The following TENT4B variants were observed in gnomAD, a reference collection of about 807,000 sequenced individuals.
TENT4B encodes PAP associated domain containing 5.
TENT4B carries 10 observed loss-of-function variants against 75.0 expected under a neutral mutation model. That is an observed-to-expected ratio of 0.13 (90% confidence interval 0.08 to 0.23). The LOEUF is 0.23. Among genes scored for constraint, TENT4B ranks in the 10% least tolerant of loss-of-function variants. The pLI is 1.00. For synonymous variants in TENT4B, 350 were observed against 357.7 expected (o/e 0.98, Z 0.24); for missense variants, 579 against 893.8 (o/e 0.65, Z 4.49).
chr16:50,194,194 GTTCTT>G (rs2150712940), intron 1 of TENT4B, among the ~76,000 whole-genome samples: 1 of 145,764 alleles, frequency 6.9e-6, no homozygotes, highest in East Asian at 2.0e-4. Context: ...TCTTTTTTCT[GTTCTT>G]TCTTTCTCTT....
At chr16:50,179,013 T>TA (rs1271130465) in intron 1 of TENT4B, among the ~76,000 whole-genome samples, 4 of 152,168 alleles carry the variant, frequency 2.6e-5, no homozygotes, top group Admixed American at 6.5e-5. Context: ...AAAAAAATTA[T>TA]AAAAAACATC....
rs1435642131 is a variant in TENT4B, at chr16:50,155,466, TGA to T, written c.638+1217_638+1218del. On this transcript the variant is annotated intron_variant, in intron 1 of 11. Transcript: ENST00000561678. ...TCATTCAGATCTGCCCTGCTTTGGC[TGA>T]GAGAGAGAGTTCTGTGTACCTTTTT... Among the ~76,000 whole-genome samples, 7 of 152,262 alleles carry T rather than the reference TGA, an allele frequency of 4.6e-5. No individual in the cohort carries two copies. In the South Asian group the frequency reaches 1.0e-3, roughly 23 times the overall value.
At chr16:50,180,481 C>T (rs955549330) in intron 1 of TENT4B, among the ~76,000 whole-genome samples, 2 of 152,116 alleles carry the variant, frequency 1.3e-5, no homozygotes, top group African/African-American at 4.8e-5. Context: ...CCGAGGTGGG[C>T]AGATCACTTG....
In TENT4B at chr16:50,194,028, A is replaced by T. The variant is rs555056660; in HGVS notation, c.639-17295A>T. On this transcript the variant is annotated intron_variant, in intron 1 of 11. Coordinates refer to ENST00000561678, the MANE Select transcript of TENT4B (RefSeq NM_001365324.3). ...GTAACTTTTGAAAGGGCACTCAGCT[A>T]GAAAAGTCTGAGCCAGGATTTCAAG... 1.3e-3 allele frequency among the ~76,000 whole-genome samples: 191 copies of T among 152,310 alleles called. No individual in the cohort carries two copies. The South Asian group carries it at 0.014, about 11-fold the overall frequency.
chr16:50,153,769 G>GGCA lies in TENT4B; in HGVS notation c.167_169dup (p.Ser56dup), dbSNP rs762925502. Reference sequence around the variant, plus strand: ...CAGCGGCGGCGCGAGCGGCGGCGGCGGCAGCAGCAGCAGCAGCAGCACGGC... The same window carrying GGCA: ...CAGCGGCGGCGCGAGCGGCGGCGGCGGCAGCAGCAGCAGCAGCAGCAGCACGGC... On this transcript the variant is annotated inframe_insertion, in exon 1 of 12. Coordinates refer to ENST00000561678, the MANE Select transcript of TENT4B (RefSeq NM_001365324.3). The GGCA allele has an allele frequency of 3.3e-4, 365 of 1,120,234 alleles. No individual in the cohort carries two copies. The highest frequency in any genetic ancestry group is 1.7e-3 in the Middle Eastern group (7 of 4,054). The allele number at this position is 1,120,234 out of a possible 1,614,324, so 69.4% of individuals were successfully genotyped here.
At chr16:50,208,442 A>G (rs1275202140) in intron 1 of TENT4B, among the ~76,000 whole-genome samples, 1 of 152,120 alleles carries the variant, frequency 6.6e-6, no homozygotes, top group Non-Finnish European at 1.5e-5. Flanking sequence ...TGTTTGCCTC[A>G]TGGTCATCTG....
intron 1 of TENT4B, among the ~76,000 whole-genome samples, chr16:50,161,694 T>C (rs1368388161): frequency 6.6e-6 from 1 of 152,186 alleles, no homozygotes; most frequent in Non-Finnish European, 1.5e-5. Context: ...TTGTGAAAAA[T>C]AGTACAGAGC....
intron 1 of TENT4B, among the ~76,000 whole-genome samples, chr16:50,193,068 CAGTG>C (rs2150711433): frequency 6.6e-6 from 1 of 152,230 alleles, no homozygotes; most frequent in South Asian, 2.1e-4. Context: ...GACCCTGTCT[CAGTG>C]AATGAATGAA....
chr16:50,164,512 T>C (rs1053551090), intron 1 of TENT4B, among the ~76,000 whole-genome samples: 2 of 151,458 alleles, frequency 1.3e-5, no homozygotes, highest in African/African-American at 4.9e-5. Flanking sequence ...TTTCACCATA[T>C]TGGCCAGGCT....
intron 1 of TENT4B, among the ~76,000 whole-genome samples, chr16:50,197,147 A>C (rs2030321861): frequency 6.6e-6 from 1 of 151,998 alleles, no homozygotes; most frequent in African/African-American, 2.4e-5. Flanking sequence ...AGAGTACAAC[A>C]ACCTTTGGTA....
intron 1 of TENT4B, among the ~76,000 whole-genome samples, chr16:50,210,795 G>A (rs2031238286): frequency 6.6e-6 from 1 of 152,164 alleles, no homozygotes; most frequent in South Asian, 2.1e-4. Flanking sequence ...TGATTGCCCT[G>A]TACCTCGCAG....
In TENT4B at chr16:50,153,741, C is replaced by T. The variant is rs1432623699; in HGVS notation, c.120C>T (p.His40=). The part of the protein sequence containing the change: ...LRNLYFNHHC[H]SSGGASGGGG... ...ACCTCTACTTCAACCACCACTGTCA[C>T]AGCAGCGGCGGCGCGAGCGGCGGCG... Residue 40 remains histidine, a synonymous_variant, in exon 1 of 12, where the codon CAC becomes CAT. Transcript: ENST00000561678. 2 of 1,055,650 alleles carry T rather than the reference C, an allele frequency of 1.9e-6. No individual in the cohort carries two copies. The highest frequency in any genetic ancestry group is 2.3e-6 in the Non-Finnish European group (2 of 877,504). 65.4% of individuals were successfully genotyped at this position (1,055,650 alleles called of 1,614,324 possible). A position where few individuals can be genotyped will look rare whatever the true frequency, so the allele number is the denominator to read the frequency against.
Position 50,232,870 on chromosome 16 carries a change from A to G in TENT4B, c.*3542A>G, listed in dbSNP as rs769735540. The G allele has an allele frequency of 2.4e-5, 24 of 985,342 alleles. No homozygotes were observed. Among genetic ancestry groups the G allele is most frequent in the Non-Finnish European group, 2.9e-5 (24 of 829,824 alleles). The allele number at this position is 985,342 out of a possible 1,614,324, so 61.0% of individuals were successfully genotyped here. A position where few individuals can be genotyped will look rare whatever the true frequency, so the allele number is the denominator to read the frequency against. On this transcript the variant is annotated 3_prime_UTR_variant, in exon 12 of 12. Transcript: ENST00000561678. ...TGATTTCTCAGTGTTTCTGTCACTA[A>G]CCAAGAATGTTTCTAGGCAGTTGGT...
At chr16:50,225,424 A>C (rs894078043) in intron 10 of TENT4B, 139 bp downstream of exon 10, 1 of 884,444 alleles carries the variant, frequency 1.1e-6, no homozygotes, top group Non-Finnish European at 1.6e-6. Context: ...ATGCTTGTAC[A>C]TTTTCTCAAC....
intron 1 of TENT4B, among the ~76,000 whole-genome samples, chr16:50,198,410 C>A (rs2030415646): frequency 1.2e-5 from 1 of 86,070 alleles, no homozygotes; most frequent in Non-Finnish European, 2.6e-5. Context: ...CAAAGTGAGA[C>A]TCTGTCTAAA....
At chr16:50,198,418 A>G (rs1596709176) in intron 1 of TENT4B, among the ~76,000 whole-genome samples, 1 of 10,566 alleles carries the variant, frequency 9.5e-5, no homozygotes, top group Admixed American at 8.3e-4. Context: ...GACTCTGTCT[A>G]AAAAAAAAAA....
rs937667385 is a variant in TENT4B, at chr16:50,229,893, C to T, written c.*565C>T. The T allele has an allele frequency of 2.2e-6, 2 of 915,122 alleles. No individual in the cohort carries two copies. The highest frequency in any genetic ancestry group is 3.6e-5 in the African/African-American group (2 of 55,402). 56.7% of individuals were successfully genotyped at this position (915,122 alleles called of 1,614,324 possible). On this transcript the variant is annotated 3_prime_UTR_variant, in exon 12 of 12. Coordinates refer to ENST00000561678, the MANE Select transcript of TENT4B (RefSeq NM_001365324.3). ...GTGGATTTGTTAATAATACTTTTTA[C>T]ATAACATTACTGTTTAAATTGTAAA...
intron 1 of TENT4B, among the ~76,000 whole-genome samples, chr16:50,172,678 AT>A: frequency 6.6e-6 from 1 of 152,094 alleles, no homozygotes; most frequent in Non-Finnish European, 1.5e-5. Context: ...AAGGTCCGTA[AT>A]TTACTTTAGA....
chr16:50,182,122 C>T (rs2038427020), intron 1 of TENT4B, among the ~76,000 whole-genome samples: 1 of 152,086 alleles, frequency 6.6e-6, no homozygotes, highest in East Asian at 1.9e-4. Flanking sequence ...CAAAAATTTG[C>T]TGGATGCAGT....
Sources: gnomAD v4.1 joint callset for allele counts (sites outside exome capture counted in the v4.1 genomes callset) on GRCh38, gnomAD v4.1.1 for gene constraint, MANE v1.5 for transcripts, NCBI Gene and HGNC (gene_info 2026-07-23, HGNC 2026-07-21) for gene names.